Variants in SH2D4A observed in about 807,000 individuals in gnomAD.
SH2D4A encodes SH2 domain containing 4A.
Under a neutral mutation model 64.7 loss-of-function variants are expected in SH2D4A, and 70 were observed. That is an observed-to-expected ratio of 1.08 (90% CI 0.89 to 1.32). The LOEUF (loss-of-function observed/expected upper bound fraction) is 1.32, where lower values mean the gene tolerates loss of function less well. Among genes scored for constraint, SH2D4A ranks in the 40% most tolerant of loss-of-function variants. The probability of loss-of-function intolerance (pLI) is 0.00; values close to 1 mark genes in which losing one functional copy is unlikely to be tolerated. For synonymous variants in SH2D4A, 268 were observed against 200.7 expected (o/e 1.34, Z -2.83); for missense variants, 706 against 540.1 (o/e 1.31, Z -3.04).
chr8:19,369,850 A>G (rs946464845), intron 7 of SH2D4A, among the ~76,000 whole-genome samples: 10 of 151,842 alleles, frequency 6.6e-5, no homozygotes, highest in African/African-American at 2.4e-4. Context: ...ATTTCCTTCA[A>G]CTAATGTTGC....
intron 4 of SH2D4A, among the ~76,000 whole-genome samples, chr8:19,343,957 G>A (rs531295614): frequency 7.2e-5 from 11 of 152,280 alleles, no homozygotes; most frequent in Admixed American, 3.3e-4. Flanking sequence ...AGTCCTGGCC[G>A]GCGAAATGTC....
intron 8 of SH2D4A, among the ~76,000 whole-genome samples, chr8:19,385,514 T>C (rs2053373975): frequency 6.6e-6 from 1 of 152,146 alleles, no homozygotes; most frequent in South Asian, 2.1e-4. Flanking sequence ...CTTCAGCTAT[T>C]TTGATTTCTT....
chr8:19,366,958 A>AT (rs2053007623), intron 7 of SH2D4A, among the ~76,000 whole-genome samples: 1 of 151,940 alleles, frequency 6.6e-6, no homozygotes, highest in Non-Finnish European at 1.5e-5. Context: ...GTTCTCTTTA[A>AT]TTTTTTTGAG....
intron 1 of SH2D4A, among the ~76,000 whole-genome samples, chr8:19,316,493 G>T (rs757272246): frequency 6.6e-6 from 1 of 152,144 alleles, no homozygotes; most frequent in Admixed American, 6.5e-5. Flanking sequence ...TGGTGAATAC[G>T]TGGGTAAGCA....
intron 2 of SH2D4A, among the ~76,000 whole-genome samples, chr8:19,330,511 GCTC>G (rs1291603933): frequency 1.3e-5 from 2 of 152,024 alleles, no homozygotes; most frequent in Non-Finnish European, 2.9e-5. Flanking sequence ...TCTTGACTCT[GCTC>G]CTCTCCTTTG....
At chr8:19,344,474 C>T (rs527305261) in intron 4 of SH2D4A, among the ~76,000 whole-genome samples, 1 of 152,170 alleles carries the variant, frequency 6.6e-6, no homozygotes, top group Non-Finnish European at 1.5e-5. Flanking sequence ...CTTACTTCTT[C>T]TTCTGCTGTC....
At position 19,347,864 on chromosome 8, in the gene SH2D4A, C is replaced by T. The variant is rs539422289; in HGVS notation, c.514-9339C>T. On this transcript the variant is annotated intron_variant, in intron 4 of 9. Transcript: ENST00000265807. ...CCAGGTGGAGTTACAGATGAGGCCT[C>T]TTACCTCTCCACCTCCACCACACAG... 7.9e-5 allele frequency among the ~76,000 whole-genome samples: 12 copies of T among 152,328 alleles called. No homozygotes were observed. The South Asian group carries it at 2.3e-3, about 29-fold the overall frequency.
At position 19,333,128 on chromosome 8, in the gene SH2D4A, A is replaced by G; in HGVS notation, c.341+14A>G. On this transcript the variant is annotated intron_variant, in intron 3 of 9. Coordinates refer to ENST00000265807, the MANE Select transcript of SH2D4A (RefSeq NM_022071.4). Reference sequence around the variant, plus strand: ...AGAAGAGCCCAGGTATGAGATCTGCAAACCAACCAGAGACTTAAAGACTCT... The same window carrying G: ...AGAAGAGCCCAGGTATGAGATCTGCGAACCAACCAGAGACTTAAAGACTCT... 1.2e-6 allele frequency: 2 copies of G among 1,601,558 alleles called. No homozygotes were observed. Among genetic ancestry groups the G allele is most frequent in the Non-Finnish European group, 1.7e-6 (2 of 1,176,560 alleles).
At chr8:19,326,570 A>C (rs1441612009) in intron 2 of SH2D4A, among the ~76,000 whole-genome samples, 1 of 152,086 alleles carries the variant, frequency 6.6e-6, no homozygotes, top group African/African-American at 2.4e-5. Flanking sequence ...CTGTTGGCTC[A>C]GTCTTTGGTC....
At chr8:19,388,388 C>T (rs1162164282) in intron 8 of SH2D4A, among the ~76,000 whole-genome samples, 1 of 152,194 alleles carries the variant, frequency 6.6e-6, no homozygotes, top group Non-Finnish European at 1.5e-5. Context: ...CAGGGCAAAG[C>T]AGGTGTTCTG....
At position 19,373,536 on chromosome 8, in the gene SH2D4A, G is replaced by A. The variant is rs995774643; in HGVS notation, c.924G>A (p.Gln308=). Residue 308 remains glutamine (Q), a synonymous_variant, in exon 8 of 10, where the codon CAG becomes CAA. Coordinates refer to ENST00000265807, the MANE Select transcript of SH2D4A (RefSeq NM_022071.4). ...GAYPQKPLRN[Q]GVVRTLSSSA... ...AAACTTTTATAAATAACAGAAATCA[G>A]GGAGTGGTGAGGACACTGTCCAGCT... 6.3e-6 allele frequency: 10 copies of A among 1,582,140 alleles called. No individual in the cohort carries two copies. The highest frequency in any genetic ancestry group is 3.6e-5 in the Admixed American group (2 of 54,968).
At chr8:19,389,389 C>G (rs2053447313) in intron 8 of SH2D4A, among the ~76,000 whole-genome samples, 1 of 152,284 alleles carries the variant, frequency 6.6e-6, no homozygotes, top group Non-Finnish European at 1.5e-5. Context: ...CTTTTCCCAT[C>G]AAAATGAATC....
intron 4 of SH2D4A, among the ~76,000 whole-genome samples, chr8:19,352,558 T>C (rs541512158): frequency 6.6e-6 from 1 of 152,316 alleles, no homozygotes; most frequent in South Asian, 2.1e-4. Flanking sequence ...CTCCAGCAGC[T>C]GTAAGAATTT....
intron 1 of SH2D4A, among the ~76,000 whole-genome samples, chr8:19,317,334 C>G (rs977361160): frequency 4.3e-5 from 4 of 92,078 alleles, no homozygotes; most frequent in Non-Finnish European, 8.1e-5. Flanking sequence ...TTTGGCTGTT[C>G]AAGCCTTTAA....
intron 5 of SH2D4A, among the ~76,000 whole-genome samples, chr8:19,358,089 G>C (rs567998293): frequency 1.3e-5 from 2 of 152,312 alleles, no homozygotes; most frequent in African/African-American, 4.8e-5. Context: ...TGTGCATACT[G>C]CTGATACAAT....
intron 7 of SH2D4A, among the ~76,000 whole-genome samples, chr8:19,364,557 C>T (rs1465450432): frequency 6.6e-6 from 1 of 152,098 alleles, no homozygotes; most frequent in Non-Finnish European, 1.5e-5. Context: ...TCCCGTGTCC[C>T]TACCCCACTC....
chr8:19,365,022 A>AAGAAGTATT (rs1457559802), intron 7 of SH2D4A, among the ~76,000 whole-genome samples: 1 of 152,186 alleles, frequency 6.6e-6, no homozygotes, highest in Non-Finnish European at 1.5e-5. Flanking sequence ...AGTATTTAGA[A>AAGAAGTATT]AGAAGTATTA....
At chr8:19,357,493 GT>G (rs1217744079) in intron 5 of SH2D4A, among the ~76,000 whole-genome samples, 1 of 152,202 alleles carries the variant, frequency 6.6e-6, no homozygotes, top group Non-Finnish European at 1.5e-5. Context: ...CAGATGCCAA[GT>G]TGTATTAGCT....
intron 7 of SH2D4A, among the ~76,000 whole-genome samples, chr8:19,364,740 T>G (rs939565832): frequency 1.1e-4 from 16 of 152,198 alleles, no homozygotes; most frequent in African/African-American, 3.6e-4. Context: ...GGAGTACATT[T>G]TCACTGCCAA....
Sources: allele counts gnomAD v4.1 joint callset (sites outside exome capture counted in the v4.1 genomes callset), GRCh38; gene constraint gnomAD v4.1.1; transcripts MANE v1.5; gene names NCBI Gene and HGNC (gene_info 2026-07-23, HGNC 2026-07-21).